Variants in EHMT1 observed in about 807,000 individuals in gnomAD.
EHMT1 encodes the protein euchromatic histone lysine methyltransferase 1, also known as histone-lysine N-methyltransferase EHMT1.
In EHMT1, 15 loss-of-function variants were observed where a neutral mutation model predicts 147.2. The observed-to-expected ratio is 0.10, with a 90% CI of 0.07 to 0.16. EHMT1 has a LOEUF of 0.16. Ranked by LOEUF, EHMT1 falls within the 10% of genes least tolerant of loss-of-function variation. The pLI is 1.00. For missense variants in EHMT1, 1,587 were observed against 1,772.4 expected, an observed-to-expected ratio of 0.90 and a Z score of 1.88; for synonymous variants, 795 against 709.6, an observed-to-expected ratio of 1.12 and a Z score of -1.91.
chr9:137,751,592 T>C (rs1281746486), intron 6 of EHMT1, among the ~76,000 whole-genome samples: 1 of 152,234 alleles, frequency 6.6e-6, no homozygotes, highest in South Asian at 2.1e-4. Flanking sequence ...TCACGTATGT[T>C]TCAGTGTCTT....
At chr9:137,636,825 T>C (rs1844107048) in intron 1 of EHMT1, among the ~76,000 whole-genome samples, 1 of 151,930 alleles carries the variant, frequency 6.6e-6, no homozygotes, top group Non-Finnish European at 1.5e-5. Flanking sequence ...TGTTCATAAG[T>C]GGTATTATGT....
intron 1 of EHMT1, among the ~76,000 whole-genome samples, chr9:137,673,625 C>A (rs538378624): frequency 1.1e-4 from 17 of 152,320 alleles, no homozygotes; most frequent in African/African-American, 3.6e-4. Flanking sequence ...CCAGACAACT[C>A]CTGGCGAAAC....
rs190308589 is a variant in EHMT1 at position 137,758,273 on chromosome 9, C to T, written c.1501+262C>T. ...GCCCAGCGTGGCGGTCATCTCCCTCCGTGGGTCAGGCGTGCTCCGTGGAGG... is the reference window on the plus strand; with the variant it reads ...GCCCAGCGTGGCGGTCATCTCCCTCTGTGGGTCAGGCGTGCTCCGTGGAGG... On this transcript the variant is annotated intron_variant, in intron 9 of 26. Coordinates refer to ENST00000460843, the MANE Select transcript of EHMT1 (RefSeq NM_024757.5). Among the ~76,000 whole-genome samples, 331 of 152,350 alleles carry T rather than the reference C, an allele frequency of 2.2e-3. 2 individuals carry two copies. Among genetic ancestry groups the T allele is most frequent in the African/African-American group, 7.5e-3 (312 of 41,586 alleles).
intron 1 of EHMT1, among the ~76,000 whole-genome samples, chr9:137,675,805 A>C (rs1941229054): frequency 1.2e-5 from 1 of 82,810 alleles, no homozygotes; most frequent in Non-Finnish European, 2.1e-5. Flanking sequence ...TTTTTTTTAG[A>C]CGGAGTCTCG....
intron 1 of EHMT1, among the ~76,000 whole-genome samples, chr9:137,688,818 G>A (rs1942680197): frequency 6.6e-6 from 1 of 152,216 alleles, no homozygotes; most frequent in South Asian, 2.1e-4. Flanking sequence ...TGGACAGCAG[G>A]TGTGTGAAGG....
At chr9:137,753,964 A>G (rs1170352527) in intron 7 of EHMT1, among the ~76,000 whole-genome samples, 1 of 152,188 alleles carries the variant, frequency 6.6e-6, no homozygotes, top group Non-Finnish European at 1.5e-5. Flanking sequence ...TTTATCTCTA[A>G]AGGGACTGAG....
chr9:137,712,027 C>T (rs886978162), intron 2 of EHMT1, among the ~76,000 whole-genome samples: 1 of 152,226 alleles, frequency 6.6e-6, no homozygotes, highest in Non-Finnish European at 1.5e-5. Context: ...GTGACCGCTG[C>T]CCGCCTCTGC....
At chr9:137,784,533 GTTTTA>G (rs1275297964) in intron 15 of EHMT1, 2 of 652,158 alleles carry the variant, frequency 3.1e-6, no homozygotes, top group African/African-American at 3.9e-5. Context: ...TTTTGAATTG[GTTTTA>G]TTTTGATTTT....
At chr9:137,636,078 C>T (rs891553695) in intron 1 of EHMT1, among the ~76,000 whole-genome samples, 7 of 151,672 alleles carry the variant, frequency 4.6e-5, no homozygotes, top group Middle Eastern at 3.4e-3. Context: ...CATGCCACCA[C>T]GCCTTGCTAA....
At chr9:137,768,436 C>T (rs1335942286) in intron 10 of EHMT1, among the ~76,000 whole-genome samples, 7 of 138,714 alleles carry the variant, frequency 5.0e-5, no homozygotes, top group Admixed American at 7.5e-5. Context: ...TCACTGCAAT[C>T]GCTGCCTCCC....
chr9:137,740,125 C>T (rs976749048), intron 4 of EHMT1, among the ~76,000 whole-genome samples: 5 of 152,166 alleles, frequency 3.3e-5, no homozygotes, highest in Admixed American at 3.3e-4. Context: ...TTGTCCACAC[C>T]TCTTCTACCC....
chr9:137,835,177 T>C lies in EHMT1; in HGVS notation c.*224T>C. The C allele has an allele frequency of 4.5e-6, 2 of 447,084 alleles. No homozygotes were observed. Among genetic ancestry groups the C allele is most frequent in the Non-Finnish European group, 7.5e-6 (2 of 265,372 alleles). 27.7% of individuals were successfully genotyped at this position (447,084 alleles called of 1,614,324 possible). A position where few individuals can be genotyped will look rare whatever the true frequency, so the allele number is the denominator to read the frequency against. On this transcript the variant is annotated 3_prime_UTR_variant, in exon 27 of 27. Transcript: ENST00000460843. ...CTCACCGCGGGCCCAGTGCCCAGGC[T>C]GGAGCGCACACTTTGGTCCGCGCGC...
chr9:137,717,003 C>G lies in EHMT1; in HGVS notation c.463C>G (p.Leu155Val), dbSNP rs1003872402. ...SSLPGHAAKT[L>V]PGGAGKGRTP... ...GCTGCCTGGCCATGCTGCAAAAACC[C>G]TTCCTGGAGGGGCTGGCAAAGGCAG... The change falls in exon 3 of 27, where the codon CTT becomes GTT. Residue 155 changes from leucine to valine, a missense_variant. By Grantham distance (32) the Leu-to-Val change is conservative. Transcript: ENST00000460843. 6.2e-6 allele frequency: 10 copies of G among 1,607,438 alleles called. No individual in the cohort carries two copies. The highest frequency in any genetic ancestry group is 8.5e-6 in the Non-Finnish European group (10 of 1,175,826).
chr9:137,686,730 CTTTTTT>C (rs34204547), intron 1 of EHMT1, among the ~76,000 whole-genome samples: 1 of 111,010 alleles, frequency 9.0e-6, no homozygotes, highest in African/African-American at 3.4e-5. Context: ...CTCATTCTTT[CTTTTTT>C]TTTTTTTTTT....
chr9:137,634,785 C>G (rs936393972), intron 1 of EHMT1, among the ~76,000 whole-genome samples: 1 of 149,794 alleles, frequency 6.7e-6, no homozygotes, highest in Non-Finnish European at 1.5e-5. Context: ...TCACTGCAAC[C>G]TCTGCCTTCC....
chr9:137,776,632 G>T lies in EHMT1; in HGVS notation c.1806G>T (p.Glu602Asp). The stretch of plus-strand genomic sequence containing the variant: ...CCCATTTTTAGGGTAATTTTATGGA[G>T]TGTCAGCCCGAGAGCAGCATCTCTC... Reference protein sequence around the residue: ...GYFCTAGNFMECQPESSISHR... With the variant: ...GYFCTAGNFMDCQPESSISHR... Residue 602 changes from glutamate (E) to aspartate (D), a missense_variant, in exon 12 of 27, where the codon GAG becomes GAT. Transcript: ENST00000460843. The surrounding 1 kb of genome is among the most constrained non-coding windows in gnomAD (Gnocchi z 4.4). The T allele has an allele frequency of 6.2e-7, 1 of 1,614,080 alleles. No homozygotes were observed.
At chr9:137,730,266 A>G (rs1946990505) in intron 4 of EHMT1, among the ~76,000 whole-genome samples, 1 of 152,166 alleles carries the variant, frequency 6.6e-6, no homozygotes, top group South Asian at 2.1e-4. Context: ...TGTACCTCCC[A>G]TCACATCCCA....
intron 2 of EHMT1, among the ~76,000 whole-genome samples, chr9:137,712,054 C>T (rs1944785436): frequency 6.6e-6 from 1 of 152,232 alleles, no homozygotes; most frequent in Non-Finnish European, 1.5e-5. Flanking sequence ...CCCTAGCCGG[C>T]CCTCCAGGGT....
At chr9:137,807,691 A>C (rs1000231310) in intron 18 of EHMT1, among the ~76,000 whole-genome samples, 2 of 151,934 alleles carry the variant, frequency 1.3e-5, no homozygotes, top group South Asian at 2.1e-4. Context: ...TATTTTTAGT[A>C]GAGGCGGGGT....
Sources: allele counts gnomAD v4.1 joint callset (sites outside exome capture counted in the v4.1 genomes callset), GRCh38; gene constraint gnomAD v4.1.1; non-coding constraint Gnocchi (gnomAD v3.1); transcripts MANE v1.5; gene names NCBI Gene and HGNC (gene_info 2026-07-23, HGNC 2026-07-21).